Variants in AFF3 observed in about 807,000 individuals in gnomAD.
The protein encoded by AFF3 is AF4/FMR2 family member 3.
AFF3 carries 32 observed loss-of-function variants against 129.7 expected under a neutral mutation model. The observed-to-expected ratio is 0.25, with a 90% CI of 0.19 to 0.33. AFF3 has a LOEUF of 0.33. Ranked by LOEUF, AFF3 falls within the 10% of genes least tolerant of loss-of-function variation. The pLI is 1.00. For synonymous variants in AFF3, 644 were observed against 635.4 expected (o/e 1.01, Z -0.20); for missense variants, 1,373 against 1,592.0 (o/e 0.86, Z 2.34).
chr2:99,694,835 T>C (rs1051407973), intron 11 of AFF3, among the ~76,000 whole-genome samples: 4 of 152,068 alleles, frequency 2.6e-5, no homozygotes, highest in Non-Finnish European at 5.9e-5. Context: ...GCCTCCTAAG[T>C]AGCTGGGATT....
intron 4 of AFF3, among the ~76,000 whole-genome samples, chr2:100,069,924 C>T (rs1381334277): frequency 1.3e-5 from 2 of 152,124 alleles, no homozygotes; most frequent in African/African-American, 2.4e-5. Context: ...TAAAAGATCC[C>T]ATGTCTCTTC....
At chr2:99,993,610 A>G (rs1221149729) in intron 7 of AFF3, among the ~76,000 whole-genome samples, 2 of 151,866 alleles carry the variant, frequency 1.3e-5, no homozygotes, top group African/African-American at 4.8e-5. Context: ...CAAAATGGAC[A>G]CTTCAAAATA....
chr2:99,802,426 T>G (rs1686011430), intron 8 of AFF3, among the ~76,000 whole-genome samples: 1 of 152,146 alleles, frequency 6.6e-6, no homozygotes, highest in African/African-American at 2.4e-5. Context: ...TTTGGGAGGC[T>G]GAGGTGGGAG....
intron 4 of AFF3, among the ~76,000 whole-genome samples, chr2:100,068,429 G>A (rs1687898591): frequency 6.6e-6 from 1 of 152,184 alleles, no homozygotes. Context: ...AGGCTGTGGT[G>A]GGATTTCTTT....
At chr2:99,831,371 G>T (rs1381456951) in intron 8 of AFF3, among the ~76,000 whole-genome samples, 1 of 152,140 alleles carries the variant, frequency 6.6e-6, no homozygotes, top group African/African-American at 2.4e-5. Flanking sequence ...GAACAAGAAA[G>T]AAAAAATAAA....
At chr2:99,802,797 A>C (rs1213151428) in intron 8 of AFF3, among the ~76,000 whole-genome samples, 1 of 150,204 alleles carries the variant, frequency 6.7e-6, no homozygotes, top group Admixed American at 6.7e-5. Context: ...TGATTTGTGT[A>C]CATGAATTTT....
intron 3 of AFF3, chr2:100,105,209 A>G: frequency 2.7e-6 from 2 of 747,174 alleles, no homozygotes; most frequent in East Asian, 8.6e-5. Flanking sequence ...CCCGCGGCCC[A>G]GAATCCACTT....
At chr2:99,927,220 C>G (rs1231445573) in intron 7 of AFF3, among the ~76,000 whole-genome samples, 1 of 152,180 alleles carries the variant, frequency 6.6e-6, no homozygotes, top group Non-Finnish European at 1.5e-5. Flanking sequence ...GAGTCAGAAA[C>G]AATCCAGCCA....
chr2:99,830,749 CA>C (rs1558892959), intron 8 of AFF3, among the ~76,000 whole-genome samples: 1 of 152,136 alleles, frequency 6.6e-6, no homozygotes, highest in Admixed American at 6.5e-5. Flanking sequence ...AAGACAAAAA[CA>C]AAAACAAAAA....
chr2:100,009,326 CT>C (rs397932898), intron 4 of AFF3, among the ~76,000 whole-genome samples: 3,789 of 144,654 alleles, frequency 0.026, 149 homozygotes, highest in African/African-American at 0.089. Flanking sequence ...TGCTCCTGTT[CT>C]TTTTTTTTTT....
Position 99,743,306 on chromosome 2 carries a change from A to G in AFF3, c.1039+798T>C, listed in dbSNP as rs560652891. 2.6e-5 allele frequency among the ~76,000 whole-genome samples: 4 copies of G among 152,320 alleles called. No homozygotes were observed. The East Asian group carries it at 7.7e-4, about 29-fold the overall frequency. The stretch of plus-strand genomic sequence containing the variant: ...TTTCTCTCCGGCCCATTTGCCTCAC[A>G]GATGCCCAGTGGTTGAGCCTCAGTT... On this transcript the variant is annotated intron_variant, in intron 10 of 24. Coordinates refer to ENST00000672756, the MANE Select transcript of AFF3 (RefSeq NM_001386135.1).
chr2:100,084,148 T>C (rs953395840), intron 4 of AFF3, among the ~76,000 whole-genome samples: 3 of 152,238 alleles, frequency 2.0e-5, no homozygotes, highest in African/African-American at 7.2e-5. Context: ...AAGTATTCTA[T>C]TTAACAAAAC....
chr2:99,967,231 G>T, intron 7 of AFF3, among the ~76,000 whole-genome samples: 1 of 151,798 alleles, frequency 6.6e-6, no homozygotes, highest in Non-Finnish European at 1.5e-5. Context: ...GCCCACCTCT[G>T]TAAATCCTGT....
intron 8 of AFF3, among the ~76,000 whole-genome samples, chr2:99,779,286 C>T (rs1327983438): frequency 6.6e-6 from 1 of 152,026 alleles, no homozygotes; most frequent in Non-Finnish European, 1.5e-5. Flanking sequence ...ATTGAGATGG[C>T]CATGTGGCTG....
intron 7 of AFF3, among the ~76,000 whole-genome samples, chr2:100,003,440 G>C (rs1055991898): frequency 3.9e-5 from 6 of 152,172 alleles, no homozygotes; most frequent in African/African-American, 1.4e-4. Flanking sequence ...CCCAACCATA[G>C]ACAGCTTTCC....
intron 18 of AFF3, chr2:99,572,506 G>GC: frequency 2.3e-6 from 1 of 435,330 alleles, no homozygotes; most frequent in Non-Finnish European, 4.6e-6. Flanking sequence ...CCTCAGTAGA[G>GC]CCAGCCTGTT....
intron 7 of AFF3, among the ~76,000 whole-genome samples, chr2:99,915,463 G>A (rs545238034): frequency 5.3e-5 from 8 of 152,172 alleles, no homozygotes; most frequent in South Asian, 4.2e-4. Flanking sequence ...TGATCTCTGC[G>A]GTGGAGAAAA....
At chr2:99,674,051 C>A (rs1687402316) in intron 11 of AFF3, among the ~76,000 whole-genome samples, 1 of 152,220 alleles carries the variant, frequency 6.6e-6, no homozygotes, top group Admixed American at 6.5e-5. Context: ...AACGGAGAAA[C>A]TTCTAAGTAG....
At position 99,837,408 on chromosome 2, in the gene AFF3, C is replaced by A. The variant is rs139500314; in HGVS notation, c.921+69G>T. On this transcript the variant is annotated intron_variant, in intron 8 of 24. Coordinates refer to ENST00000672756, the MANE Select transcript of AFF3 (RefSeq NM_001386135.1). ...ACTATGGGCTCCTTTATCATGGAGC[C>A]GCAGGTTTCCTTTCTATTTAGAGTC... The A allele has an allele frequency of 9.7e-6, 14 of 1,450,504 alleles. No homozygotes were observed. The African/African-American group carries it at 2.0e-4, about 21-fold the overall frequency. The allele number at this position is 1,450,504 out of a possible 1,614,324, so 89.9% of individuals were successfully genotyped here.
Sources: gnomAD v4.1 joint callset for allele counts (sites outside exome capture counted in the v4.1 genomes callset) on GRCh38, gnomAD v4.1.1 for gene constraint, MANE v1.5 for transcripts, NCBI Gene and HGNC (gene_info 2026-07-23, HGNC 2026-07-21) for gene names.